The following LRRC4C variants were observed in gnomAD, a reference collection of about 807,000 sequenced individuals.
LRRC4C encodes the protein leucine rich repeat containing 4C, also known as leucine-rich repeat-containing protein 4C.
Under a neutral mutation model 33.6 loss-of-function variants are expected in LRRC4C, and 5 were observed. The observed-to-expected ratio is 0.15, with a 90% confidence interval of 0.08 to 0.31. LRRC4C has a LOEUF of 0.31. LRRC4C is among the 10% of genes least tolerant of loss of function. LRRC4C has a pLI of 1.00. For synonymous variants in LRRC4C, 329 were observed against 302.0 expected (o/e 1.09, Z -0.93); for missense variants, 560 against 796.7 (o/e 0.70, Z 3.58).
chr11:41,229,882 A>G (rs893862382), intron 1 of LRRC4C, among the ~76,000 whole-genome samples: 5 of 152,120 alleles, frequency 3.3e-5, no homozygotes, highest in South Asian at 2.1e-4. Flanking sequence ...TGAAGCATCT[A>G]AAAGCTCTCG....
Position 41,296,595 on chromosome 11 carries a change from A to G in LRRC4C, c.-496+162836T>C, listed in dbSNP as rs1373104556. Among the ~76,000 whole-genome samples, 3 of 152,158 alleles carry G rather than the reference A, an allele frequency of 2.0e-5. No individual in the cohort carries two copies. The East Asian group carries it at 5.8e-4, about 29-fold the overall frequency. On this transcript the variant is annotated intron_variant, in intron 1 of 6. Coordinates refer to ENST00000528697, the MANE Select transcript of LRRC4C (RefSeq NM_001258419.2). ...CTCCCAGTGTGCTGGGATTACAGGC[A>G]TGAGTGAATTGGGCCTATGCTGTGC...
At chr11:41,242,658 ATCTG>A (rs553481270) in intron 1 of LRRC4C, among the ~76,000 whole-genome samples, 6 of 152,108 alleles carry the variant, frequency 3.9e-5, no homozygotes, top group Non-Finnish European at 8.8e-5. Context: ...CTCTGTATCT[ATCTG>A]TCTGTCTGTC....
chr11:40,162,468 A>G (rs1859235445), intron 5 of LRRC4C, among the ~76,000 whole-genome samples: 1 of 152,086 alleles, frequency 6.6e-6, no homozygotes, highest in Non-Finnish European at 1.5e-5. Flanking sequence ...AGGGTGAGAG[A>G]AGAAGAAAGC....
At chr11:40,483,779 A>ATATGTATATATATGTATATG (rs1463306475) in intron 3 of LRRC4C, among the ~76,000 whole-genome samples, 7 of 254 alleles carry the variant, frequency 0.028, no homozygotes, top group Non-Finnish European at 0.037. Flanking sequence ...ATGTGTATAT[A>ATATGTATATATATGTATATG]TATGTATATA....
intron 1 of LRRC4C, among the ~76,000 whole-genome samples, chr11:41,257,524 G>A (rs989122645): frequency 6.6e-6 from 1 of 152,012 alleles, no homozygotes; most frequent in African/African-American, 2.4e-5. Context: ...TTTTCACTAG[G>A]TCTGAAGAGA....
chr11:41,450,924 C>A (rs1342757700), intron 1 of LRRC4C, among the ~76,000 whole-genome samples: 1 of 152,076 alleles, frequency 6.6e-6, no homozygotes, highest in Non-Finnish European at 1.5e-5. Flanking sequence ...CTTTCCCAAC[C>A]ACAAATTCCT....
intron 3 of LRRC4C, among the ~76,000 whole-genome samples, chr11:40,528,494 T>C (rs138234590): frequency 6.7e-6 from 1 of 150,048 alleles, no homozygotes; most frequent in Non-Finnish European, 1.5e-5. Flanking sequence ...AAAAAAGAAG[T>C]GTAGGCAAGG....
chr11:40,425,884 C>T (rs1950693671), intron 3 of LRRC4C, among the ~76,000 whole-genome samples: 1 of 152,156 alleles, frequency 6.6e-6, no homozygotes, highest in Admixed American at 6.5e-5. Context: ...GTAGGAAATG[C>T]TGCTAAATTC....
intron 2 of LRRC4C, among the ~76,000 whole-genome samples, chr11:40,822,144 T>A (rs1487475195): frequency 2.0e-5 from 3 of 151,690 alleles, no homozygotes; most frequent in African/African-American, 7.2e-5. Flanking sequence ...AACCCACCAA[T>A]CTTCACCCCA....
Position 40,626,089 on chromosome 11 carries a change from T to C in LRRC4C, c.-270+22053A>G, listed in dbSNP as rs575883760. Among the ~76,000 whole-genome samples, 11 of 152,240 alleles carry C rather than the reference T, an allele frequency of 7.2e-5. No individual in the cohort carries two copies. The East Asian group carries it at 2.1e-3, about 30-fold the overall frequency. The stretch of plus-strand genomic sequence containing the variant: ...ACATGTTCTCCTCACCTCTCTACCT[T>C]TTGTTACCCCCATATTTTCTCTGAA... On this transcript the variant is annotated intron_variant, in intron 3 of 6. Coordinates refer to ENST00000528697, the MANE Select transcript of LRRC4C (RefSeq NM_001258419.2).
intron 2 of LRRC4C, among the ~76,000 whole-genome samples, chr11:40,803,539 C>A (rs891389364): frequency 6.6e-6 from 1 of 152,096 alleles, no homozygotes; most frequent in Non-Finnish European, 1.5e-5. Context: ...TCTTCTCTAT[C>A]TCCCAAACTT....
intron 3 of LRRC4C, among the ~76,000 whole-genome samples, chr11:40,329,017 T>G (rs2136920260): frequency 1.3e-5 from 2 of 152,204 alleles, no homozygotes; most frequent in South Asian, 4.2e-4. Flanking sequence ...CAAATAAAAG[T>G]TTATCTGTCT....
chr11:40,633,394 TC>T (rs1387634224), intron 3 of LRRC4C, among the ~76,000 whole-genome samples: 3,476 of 121,706 alleles, frequency 0.029, 294 homozygotes, highest in African/African-American at 0.1. Flanking sequence ...TTTCTTTCTT[TC>T]TTTTTTTTTT....
chr11:41,205,683 A>G lies in LRRC4C; in HGVS notation c.-496+253748T>C, dbSNP rs183496170. ...AACAAACAACAAACAAAAAAAACTTATAATAACCTTCAGGAATTCCTAACA... is the reference window on the plus strand; with the variant it reads ...AACAAACAACAAACAAAAAAAACTTGTAATAACCTTCAGGAATTCCTAACA... On this transcript the variant is annotated intron_variant, in intron 1 of 6. Transcript: ENST00000528697. Among the ~76,000 whole-genome samples the G allele has an allele frequency of 6.6e-5, 10 of 152,326 alleles. No individual in the cohort carries two copies. The East Asian group carries it at 9.7e-4, about 15-fold the overall frequency.
intron 3 of LRRC4C, among the ~76,000 whole-genome samples, chr11:40,595,584 T>C (rs1959219113): frequency 6.6e-6 from 1 of 152,138 alleles, no homozygotes; most frequent in Non-Finnish European, 1.5e-5. Context: ...ATAAACATTC[T>C]TTGGTGCATC....
At chr11:41,377,986 C>T (rs1426302237) in intron 1 of LRRC4C, among the ~76,000 whole-genome samples, 1 of 152,064 alleles carries the variant, frequency 6.6e-6, no homozygotes. Flanking sequence ...ATTGAGGCTC[C>T]TTTGTTAATG....
chr11:40,459,880 C>T (rs1186319024), intron 3 of LRRC4C, among the ~76,000 whole-genome samples: 1 of 152,146 alleles, frequency 6.6e-6, no homozygotes, highest in Non-Finnish European at 1.5e-5. Context: ...GCTAGGTGAA[C>T]TTTGAAACAC....
intron 1 of LRRC4C, among the ~76,000 whole-genome samples, chr11:41,187,794 G>C (rs904686708): frequency 6.6e-6 from 1 of 152,160 alleles, no homozygotes; most frequent in South Asian, 2.1e-4. Context: ...CGTGGGGCCG[G>C]AGCACCACAA....
chr11:40,127,661 C>T (rs867376970), intron 6 of LRRC4C, among the ~76,000 whole-genome samples: 1 of 152,130 alleles, frequency 6.6e-6, no homozygotes, highest in Non-Finnish European at 1.5e-5. Flanking sequence ...CTTTAATAAT[C>T]GACGTCCCTA....
Sources: allele counts gnomAD v4.1 joint callset (sites outside exome capture counted in the v4.1 genomes callset), GRCh38; gene constraint gnomAD v4.1.1; transcripts MANE v1.5; gene names NCBI Gene and HGNC (gene_info 2026-07-23, HGNC 2026-07-21).